Variants in CHN2 observed in about 807,000 individuals in gnomAD.
The protein encoded by CHN2 is beta-chimaerin.
Under a neutral mutation model 56.3 loss-of-function variants are expected in CHN2, and 35 were observed. That is an observed-to-expected ratio of 0.62 (90% CI 0.47 to 0.82). The LOEUF (loss-of-function observed/expected upper bound fraction) is 0.82, where lower values mean the gene tolerates loss of function less well. Ranked by LOEUF, CHN2 falls within the 40% of genes least tolerant of loss-of-function variation. CHN2 has a pLI of 0.00. For missense variants in CHN2, 491 were observed against 580.5 expected (o/e 0.85, Z 1.58); for synonymous variants, 210 against 212.8 (o/e 0.99, Z 0.12).
chr7:29,373,166 G>GT (rs1400837855), intron 3 of CHN2, among the ~76,000 whole-genome samples: 1 of 151,946 alleles, frequency 6.6e-6, no homozygotes, highest in African/African-American at 2.4e-5. Context: ...AGTACTGATG[G>GT]CAGTGGCCAA....
chr7:29,233,895 G>T (rs905435896), intron 1 of CHN2, among the ~76,000 whole-genome samples: 1 of 127,264 alleles, frequency 7.9e-6, no homozygotes, highest in South Asian at 2.7e-4. Context: ...GTGCAGTGGC[G>T]GGATCTCGGC....
chr7:29,460,878 A>G (rs541212796), intron 6 of CHN2, among the ~76,000 whole-genome samples: 21 of 152,328 alleles, frequency 1.4e-4, no homozygotes, highest in African/African-American at 4.8e-4. Context: ...GACTTTAGAC[A>G]AACCACCCGC....
chr7:29,372,098 C>T (rs1026047709), intron 3 of CHN2, among the ~76,000 whole-genome samples: 4 of 151,956 alleles, frequency 2.6e-5, no homozygotes, highest in Admixed American at 6.6e-5. Flanking sequence ...AATTTCTTGC[C>T]GTGCCTATGA....
At position 29,317,950 on chromosome 7, in the gene CHN2, C is replaced by T. The variant is rs116749559; in HGVS notation, c.50-36675C>T. On this transcript the variant is annotated intron_variant, in intron 1 of 12. Coordinates refer to ENST00000222792, the MANE Select transcript of CHN2 (RefSeq NM_004067.4). ...AGTAAGCCAAGATAGTGCCACTGCA[C>T]TCCAGCCTGGGCAGCAGAACGAGAC... Among the ~76,000 whole-genome samples, 1,297 of 152,286 alleles carry T rather than the reference C, an allele frequency of 8.5e-3. 18 individuals carry two copies. The highest frequency in any genetic ancestry group is 0.029 in the African/African-American group (1,205 of 41,546).
intron 3 of CHN2, among the ~76,000 whole-genome samples, chr7:29,390,484 A>G (rs1801278406): frequency 1.3e-5 from 2 of 152,142 alleles, no homozygotes; most frequent in African/African-American, 2.4e-5. Context: ...TCTTGTCATG[A>G]TATATTGCAT....
intron 2 of CHN2, among the ~76,000 whole-genome samples, chr7:29,364,894 T>C (rs562134526): frequency 1.3e-5 from 2 of 152,366 alleles, no homozygotes; most frequent in East Asian, 3.9e-4. Context: ...CCTTGTTCCT[T>C]CTAGAGTTTC....
chr7:29,496,528 A>T, intron 8 of CHN2, among the ~76,000 whole-genome samples: 1 of 152,056 alleles, frequency 6.6e-6, no homozygotes, highest in East Asian at 1.9e-4. Context: ...AAAAAAAAAA[A>T]AGACACAGAG....
chr7:29,331,492 C>T (rs189743327), intron 1 of CHN2, among the ~76,000 whole-genome samples: 23 of 152,222 alleles, frequency 1.5e-4, no homozygotes, highest in Non-Finnish European at 2.2e-4. Context: ...GCAGTACCTC[C>T]GGCATTTCTC....
chr7:29,277,338 G>A (rs1297614843), intron 1 of CHN2, among the ~76,000 whole-genome samples: 6 of 152,188 alleles, frequency 3.9e-5, no homozygotes, highest in African/African-American at 9.7e-5. Flanking sequence ...AGAGTCCACC[G>A]TGTGTTACCT....
At chr7:29,452,939 T>C (rs565552876) in intron 6 of CHN2, among the ~76,000 whole-genome samples, 5 of 152,342 alleles carry the variant, frequency 3.3e-5, no homozygotes, top group Admixed American at 1.3e-4. Context: ...CAGCCTGACT[T>C]TCCTTACCTA....
chr7:29,480,187 G>A lies in CHN2; in HGVS notation c.577-92G>A, dbSNP rs767909239. 39 of 1,610,384 alleles carry A rather than the reference G, an allele frequency of 2.4e-5. No individual in the cohort carries two copies. In the South Asian group the frequency reaches 3.7e-4, roughly 15 times the overall value. On this transcript the variant is annotated intron_variant, in intron 6 of 12. Transcript: ENST00000222792. ...CGGAAGTCTAAGCAGGGCAGGAAAC[G>A]CCAAGAACTGCTGGCCGTAGCCTTC...
chr7:29,353,926 T>C (rs1016282780), intron 1 of CHN2, among the ~76,000 whole-genome samples: 3 of 152,192 alleles, frequency 2.0e-5, no homozygotes, highest in Admixed American at 1.3e-4. Context: ...GCTGTCAGCA[T>C]TGGGATGGTT....
chr7:29,393,497 A>G (rs1319411782), intron 3 of CHN2, among the ~76,000 whole-genome samples, 182 bp from the exon 4 acceptor site: 1 of 152,186 alleles, frequency 6.6e-6, no homozygotes, highest in African/African-American at 2.4e-5. Flanking sequence ...ATTCTAGGTC[A>G]TTCCTACCTG....
intron 6 of CHN2, among the ~76,000 whole-genome samples, chr7:29,404,728 G>A (rs188785471): frequency 1.7e-4 from 26 of 152,226 alleles, no homozygotes; most frequent in African/African-American, 6.0e-4. Context: ...TTTTAAAATT[G>A]TATGTATTTA....
chr7:29,205,719 A>G (rs1343787852), intron 1 of CHN2, among the ~76,000 whole-genome samples: 1 of 152,202 alleles, frequency 6.6e-6, no homozygotes, highest in Non-Finnish European at 1.5e-5. Flanking sequence ...TAAAGCTCCA[A>G]TATGCATCCT....
At chr7:29,393,761 A>T (rs767713384) in intron 4 of CHN2, 51 bp downstream of exon 4, 1 of 630,078 alleles carries the variant, frequency 1.6e-6, no homozygotes, top group Non-Finnish European at 2.4e-6. Context: ...TAGTCATTTC[A>T]TGTGTCATTT....
intron 1 of CHN2, among the ~76,000 whole-genome samples, chr7:29,317,720 A>G (rs1360026603): frequency 6.6e-6 from 1 of 152,178 alleles, no homozygotes; most frequent in Non-Finnish European, 1.5e-5. Context: ...CTCAGGGAAC[A>G]TATAATTGAA....
At chr7:29,450,077 G>A (rs1784299266) in intron 6 of CHN2, among the ~76,000 whole-genome samples, 1 of 152,154 alleles carries the variant, frequency 6.6e-6, no homozygotes. Flanking sequence ...CACATCAATT[G>A]AAGAATCTCT....
chr7:29,442,328 A>G (rs538366207), intron 6 of CHN2, among the ~76,000 whole-genome samples: 15 of 152,314 alleles, frequency 9.8e-5, no homozygotes, highest in South Asian at 4.1e-4. Flanking sequence ...CCTAAAAGCT[A>G]TAGTGGTGTA....
Sources: allele counts gnomAD v4.1 joint callset (sites outside exome capture counted in the v4.1 genomes callset), GRCh38; gene constraint gnomAD v4.1.1; transcripts MANE v1.5; gene names NCBI Gene and HGNC (gene_info 2026-07-23, HGNC 2026-07-21).